Variants in DPYSL2 observed in about 807,000 individuals in gnomAD.
The protein encoded by DPYSL2 is dihydropyrimidinase-related protein 2.
DPYSL2 carries 13 observed loss-of-function variants against 69.9 expected under a neutral mutation model. The ratio of observed to expected loss-of-function variants is 0.19; its 90% CI spans 0.12 to 0.30. The LOEUF (loss-of-function observed/expected upper bound fraction) is 0.30, where lower values mean the gene tolerates loss of function less well. Among genes scored for constraint, DPYSL2 ranks in the 10% least tolerant of loss-of-function variants. DPYSL2 has a pLI of 1.00. For synonymous variants in DPYSL2, 326 were observed against 359.1 expected (o/e 0.91, Z 1.04); for missense variants, 587 against 918.9 (o/e 0.64, Z 4.67).
Position 26,651,015 on chromosome 8 carries a change from A to G in DPYSL2, c.1597-1242A>G, listed in dbSNP as rs560567227. Among the ~76,000 whole-genome samples, 31 of 152,348 alleles carry G rather than the reference A, an allele frequency of 2.0e-4. No individual in the cohort carries two copies. The South Asian group carries it at 5.8e-3, about 29-fold the overall frequency. ...CAGTACCCGCGTGGCTCCGGCTGCT[A>G]TAAGACACATTCTGACTTCAGGGAT... On this transcript the variant is annotated intron_variant, in intron 11 of 13. Coordinates refer to ENST00000521913, the MANE Select transcript of DPYSL2 (RefSeq NM_001197293.3).
At chr8:26,532,616 A>G (rs1800529407) in intron 1 of DPYSL2, among the ~76,000 whole-genome samples, 1 of 152,232 alleles carries the variant, frequency 6.6e-6, no homozygotes, top group Non-Finnish European at 1.5e-5. Flanking sequence ...ACATGGAAAC[A>G]TATACTATGT....
intron 3 of DPYSL2, among the ~76,000 whole-genome samples, chr8:26,590,590 G>A (rs112496198): frequency 8.6e-5 from 2 of 23,270 alleles, no homozygotes; most frequent in Non-Finnish European, 8.6e-5. Flanking sequence ...CCACCCTCAG[G>A]TGTCACTGCG....
At chr8:26,575,346 G>A (rs78041305) in intron 1 of DPYSL2, among the ~76,000 whole-genome samples, 1,972 of 151,960 alleles carry the variant, frequency 0.013, 27 homozygotes, top group Middle Eastern at 0.075. Context: ...TTTACCTGTG[G>A]TTTTTTGTTT....
At chr8:26,577,006 G>A in intron 1 of DPYSL2, 2 of 312,092 alleles carry the variant, frequency 6.4e-6, no homozygotes, top group South Asian at 2.2e-5. Context: ...CGGCCTCGGC[G>A]GGCTGCGGCT....
chr8:26,514,691 G>T lies in DPYSL2; in HGVS notation c.354+12G>T. ...ACATCAACGACCAGGTCGGTGTGGG[G>T]GTTGGGGGTGGAGACGGAGGACGGG... On this transcript the variant is annotated intron_variant, in intron 1 of 13. Coordinates refer to ENST00000521913, the MANE Select transcript of DPYSL2 (RefSeq NM_001197293.3). This position sits in a 1 kb window ranked among gnomAD's most constrained non-coding sequence, Gnocchi z 8.4. 1.4e-6 allele frequency: 2 copies of T among 1,391,146 alleles called. No individual in the cohort carries two copies. The highest frequency in any genetic ancestry group is 1.6e-5 in the South Asian group (1 of 63,462). The allele number at this position is 1,391,146 out of a possible 1,614,324, so 86.2% of individuals were successfully genotyped here.
In DPYSL2 at chr8:26,516,281, C is replaced by A. The variant is rs1808288659; in HGVS notation, c.354+1602C>A. Among the ~76,000 whole-genome samples the A allele has an allele frequency of 6.6e-6, 1 of 152,174 alleles. No homozygotes were observed. Among genetic ancestry groups the A allele is most frequent in the African/African-American group, 2.4e-5 (1 of 41,440 alleles). The stretch of plus-strand genomic sequence containing the variant: ...GAAGTAAAAGTTTCTAATAATGTAA[C>A]TTATACTGAAAGCTGAGTGAGTGTG... On this transcript the variant is annotated intron_variant, in intron 1 of 13. Transcript: ENST00000521913. This position sits in a 1 kb window ranked among gnomAD's most constrained non-coding sequence, Gnocchi z 4.8.
At chr8:26,573,398 G>T in intron 1 of DPYSL2, among the ~76,000 whole-genome samples, 1 of 152,018 alleles carries the variant, frequency 6.6e-6, no homozygotes, top group East Asian at 1.9e-4. Context: ...GCCGGGCGCG[G>T]TGGCTCACGC....
rs1051962945 is a variant in DPYSL2, at chr8:26,517,691, T to C, written c.354+3012T>C. Reference sequence around the variant, plus strand: ...CAATACTGGACCATAAGAATGCTTTTCAAAGGGGCCTCTAGGCCCTTTTCC... The same window carrying C: ...CAATACTGGACCATAAGAATGCTTTCCAAAGGGGCCTCTAGGCCCTTTTCC... On this transcript the variant is annotated intron_variant, in intron 1 of 13. Coordinates refer to ENST00000521913, the MANE Select transcript of DPYSL2 (RefSeq NM_001197293.3). The surrounding 1 kb of genome is among the most constrained non-coding windows in gnomAD (Gnocchi z 4.2). Among the ~76,000 whole-genome samples the C allele has an allele frequency of 2.6e-5, 4 of 152,216 alleles. No individual in the cohort carries two copies. The highest frequency in any genetic ancestry group is 9.6e-5 in the African/African-American group (4 of 41,458).
Position 26,655,751 on chromosome 8 carries a change from C to T in DPYSL2, c.*45C>T. On this transcript the variant is annotated 3_prime_UTR_variant, in exon 14 of 14. Transcript: ENST00000521913. ...CCACTGGGGACTGGGGATGGGACAC[C>T]TGAGGACATTCTGAGACTTCTTTCT... The T allele has an allele frequency of 7.0e-7, 1 of 1,434,938 alleles. No individual in the cohort carries two copies. The allele number at this position is 1,434,938 out of a possible 1,614,324, so 88.9% of individuals were successfully genotyped here. A position where few individuals can be genotyped will look rare whatever the true frequency, so the allele number is the denominator to read the frequency against.
chr8:26,576,920 GC>G, intron 1 of DPYSL2: 2 of 278,722 alleles, frequency 7.2e-6, no homozygotes, highest in South Asian at 5.3e-5. Flanking sequence ...AATGCGCTGC[GC>G]CCCCACGCAC....
At chr8:26,636,253 C>T (rs1190043775) in intron 8 of DPYSL2, among the ~76,000 whole-genome samples, 3 of 152,204 alleles carry the variant, frequency 2.0e-5, no homozygotes, top group East Asian at 1.9e-4. Context: ...ACGATGGAAT[C>T]GGTGGCCTTG....
At chr8:26,534,932 C>A (rs1004331304) in intron 1 of DPYSL2, among the ~76,000 whole-genome samples, 3 of 152,142 alleles carry the variant, frequency 2.0e-5, no homozygotes, top group African/African-American at 7.2e-5. Flanking sequence ...CACAACCATC[C>A]CAAATCTTGT....
intron 3 of DPYSL2, among the ~76,000 whole-genome samples, chr8:26,596,674 G>C (rs1443892498): frequency 6.6e-6 from 1 of 152,210 alleles, no homozygotes; most frequent in African/African-American, 2.4e-5. Context: ...AGATAGATAG[G>C]CTTATCCTCC....
Position 26,627,907 on chromosome 8 carries a change from C to T in DPYSL2, c.972C>T (p.Gly324=), listed in dbSNP as rs754619687. Reference sequence around the variant, plus strand: ...GGATCCTGGATCTGGGCATCACGGGCCCCGAGGGACATGTGCTGAGCCGAC... The same window carrying T: ...GGATCCTGGATCTGGGCATCACGGGTCCCGAGGGACATGTGCTGAGCCGAC... ...QQRILDLGIT[G]PEGHVLSRPE... The change falls in exon 7 of 14, where the codon GGC becomes GGT. Residue 324 remains glycine (G), a synonymous_variant. Transcript: ENST00000521913. The surrounding 1 kb of genome is among the most constrained non-coding windows in gnomAD (Gnocchi z 6.9). The T allele has an allele frequency of 7.4e-6, 12 of 1,613,882 alleles. No individual in the cohort carries two copies. The Admixed American group carries it at 2.0e-4, about 27-fold the overall frequency.
rs1803103097 is a variant in DPYSL2 at position 26,643,746 on chromosome 8, A to G, written c.1283+151A>G. The G allele has an allele frequency of 4.7e-6, 6 of 1,282,312 alleles. No homozygotes were observed. Among genetic ancestry groups the G allele is most frequent in the Non-Finnish European group, 6.5e-6 (6 of 923,120 alleles). The allele number at this position is 1,282,312 out of a possible 1,614,324, so 79.4% of individuals were successfully genotyped here. Reference sequence around the variant, plus strand: ...TAGGTTGGCTACATGAGTACAGGGAATTGTCATTCTAGCACCATTTTGGGA... The same window carrying G: ...TAGGTTGGCTACATGAGTACAGGGAGTTGTCATTCTAGCACCATTTTGGGA... On this transcript the variant is annotated intron_variant, in intron 9 of 13. Transcript: ENST00000521913. The surrounding 1 kb of genome is among the most constrained non-coding windows in gnomAD (Gnocchi z 6.5).
At position 26,627,104 on chromosome 8, in the gene DPYSL2, C is replaced by A; in HGVS notation, c.856-111C>A. On this transcript the variant is annotated intron_variant, in intron 5 of 13. Transcript: ENST00000521913. The surrounding 1 kb of genome is among the most constrained non-coding windows in gnomAD (Gnocchi z 6.9). ...AAAAAAGTCAGGCTAATAGAATCGCCTAGGTGTCCTGTTTCTCATCCCAGA... is the reference window on the plus strand; with the variant it reads ...AAAAAAGTCAGGCTAATAGAATCGCATAGGTGTCCTGTTTCTCATCCCAGA... The A allele has an allele frequency of 1.0e-6, 1 of 983,302 alleles. No individual in the cohort carries two copies. The highest frequency in any genetic ancestry group is 1.6e-6 in the Non-Finnish European group (1 of 627,066). 60.9% of individuals were successfully genotyped at this position (983,302 alleles called of 1,614,324 possible). A position where few individuals can be genotyped will look rare whatever the true frequency, so the allele number is the denominator to read the frequency against.
intron 1 of DPYSL2, among the ~76,000 whole-genome samples, chr8:26,523,983 G>A (rs1040529079): frequency 3.4e-4 from 52 of 152,278 alleles, no homozygotes; most frequent in South Asian, 2.1e-4. Context: ...CTATGAACAC[G>A]GCTATGCAAA....
At chr8:26,600,482 A>G (rs1801965765) in intron 3 of DPYSL2, among the ~76,000 whole-genome samples, 2 of 152,138 alleles carry the variant, frequency 1.3e-5, no homozygotes, top group Non-Finnish European at 2.9e-5. Context: ...TTTTGATTAT[A>G]GCCATGCGAG....
chr8:26,523,167 A>AT (rs773364381), intron 1 of DPYSL2, among the ~76,000 whole-genome samples: 45 of 150,040 alleles, frequency 3.0e-4, no homozygotes, highest in Admixed American at 5.3e-4. Flanking sequence ...ATATATATAT[A>AT]TATTTTTAAA....
Sources: allele counts gnomAD v4.1 joint callset (sites outside exome capture counted in the v4.1 genomes callset), GRCh38; gene constraint gnomAD v4.1.1; non-coding constraint Gnocchi (gnomAD v3.1); transcripts MANE v1.5; gene names NCBI Gene and HGNC (gene_info 2026-07-23, HGNC 2026-07-21).